The following P2RX1 variants were observed in gnomAD, a reference collection of about 807,000 sequenced individuals.
The protein encoded by P2RX1 is purinergic receptor P2X 1.
Under a neutral mutation model 50.3 loss-of-function variants are expected in P2RX1, and 42 were observed. The ratio of observed to expected loss-of-function variants is 0.83; its 90% confidence interval spans 0.65 to 1.08. The LOEUF is 1.08. Ranked by LOEUF, P2RX1 falls within the 50% of genes least tolerant of loss-of-function variation. The probability of loss-of-function intolerance (pLI) is 0.00; values close to 1 mark genes in which losing one functional copy is unlikely to be tolerated. For missense variants in P2RX1, 449 were observed against 529.0 expected (o/e 0.85, Z 1.48); for synonymous variants, 199 against 202.6 (o/e 0.98, Z 0.15).
intron 10 of P2RX1, 84 bp from the exon 11 acceptor site, chr17:3,898,194 G>A (rs1815562624): frequency 8.3e-7 from 1 of 1,208,428 alleles, no homozygotes; most frequent in Non-Finnish European, 1.2e-6. Context: ...AGTCCCTGGT[G>A]GTGAGGCCCT....
Position 3,904,329 on chromosome 17 carries a change from C to A in P2RX1, c.427+1G>T, listed in dbSNP as rs765204490. The A allele has an allele frequency of 3.1e-6, 5 of 1,613,568 alleles. No homozygotes were observed. The African/African-American group carries it at 4.0e-5, about 13-fold the overall frequency. ...GAGGGACAGGAGGAGGCTGACCTTA[C>A]CTTGGGCCTTCCTCTTGGCCTTCCC... On this transcript the variant is annotated splice_donor_variant, in intron 4 of 11. Transcript: ENST00000225538. LOFTEE classifies it high-confidence loss of function.
intron 1 of P2RX1, chr17:3,915,827 A>C (rs1216461173): frequency 3.2e-6 from 2 of 618,996 alleles, no homozygotes; most frequent in Non-Finnish European, 6.0e-6. Context: ...AGGAACCATA[A>C]CACTGAGCCG....
intron 8 of P2RX1, 112 bp from the exon 9 acceptor site, chr17:3,899,136 TC>T: frequency 1.3e-6 from 1 of 771,792 alleles, no homozygotes; most frequent in South Asian, 1.4e-5. Context: ...TACAGCCTCA[TC>T]CCCAACACCG....
At chr17:3,899,586 C>G (rs2056097756) in intron 8 of P2RX1, 48 bp downstream of exon 8, 19 of 1,607,788 alleles carry the variant, frequency 1.2e-5, no homozygotes, top group Non-Finnish European at 1.6e-5. Context: ...AGTAGAAAAG[C>G]CCGCAGGACC....
At position 3,904,386 on chromosome 17, in the gene P2RX1, C is replaced by T. The variant is rs754709481; in HGVS notation, c.371G>A (p.Gly124Asp). The T allele has an allele frequency of 8.1e-6, 13 of 1,613,782 alleles. No homozygotes were observed. Among genetic ancestry groups the T allele is most frequent in the African/African-American group, 4.0e-5 (3 of 74,918 alleles). The change falls in exon 4 of 12, where the codon GGC (glycine) becomes GAC (aspartate). Residue 124 changes from glycine to aspartate, a missense_variant. Coordinates refer to ENST00000225538, the MANE Select transcript of P2RX1 (RefSeq NM_002558.4). ...QGYCAEHPEGGICKEDSGCTP... is the reference protein window; with the variant it reads ...QGYCAEHPEGDICKEDSGCTP... ...ACAGCCACTGTCTTCCTTGCATATG[C>T]CCCCTTCTGGGTGCTGGGGGAGGCA...
chr17:3,915,655 G>A (rs907746778), intron 1 of P2RX1: 10 of 459,520 alleles, frequency 2.2e-5, no homozygotes, highest in African/African-American at 2.0e-4. Flanking sequence ...CAGGGAAGCT[G>A]GCAGCAGAGT....
intron 8 of P2RX1, 145 bp from the exon 9 acceptor site, chr17:3,899,169 C>G: frequency 1.8e-6 from 1 of 557,952 alleles, no homozygotes; most frequent in Non-Finnish European, 3.2e-6. Flanking sequence ...AGGCCTCATT[C>G]TGGGAAAGTT....
In P2RX1 at chr17:3,896,678, G is replaced by C. The variant is rs557985875; in HGVS notation, c.*1136C>G. On this transcript the variant is annotated 3_prime_UTR_variant, in exon 12 of 12. Transcript: ENST00000225538. ...AGAGCCAGGCAGGCCTTGGGAGCTGGGGCTGAGCCACAGGCAGGGAGCCCA... is the reference window on the plus strand; with the variant it reads ...AGAGCCAGGCAGGCCTTGGGAGCTGCGGCTGAGCCACAGGCAGGGAGCCCA... The C allele has an allele frequency of 2.0e-5, 3 of 152,394 alleles. No homozygotes were observed. The highest frequency in any genetic ancestry group is 6.5e-5 in the Admixed American group (1 of 15,300). The allele number at this position is 152,394 out of a possible 1,614,324, so 9.4% of individuals were successfully genotyped here. A position where few individuals can be genotyped will look rare whatever the true frequency, so the allele number is the denominator to read the frequency against.
At chr17:3,907,363 G>A (rs563144342) in intron 1 of P2RX1, among the ~76,000 whole-genome samples, 1 of 147,100 alleles carries the variant, frequency 6.8e-6, no homozygotes, top group African/African-American at 2.6e-5. Context: ...TACCTGCAGG[G>A]CAAATCTGTG....
At position 3,914,177 on chromosome 17, in the gene P2RX1, G is replaced by C. The variant is rs955341699; in HGVS notation, c.137+1912C>G. 6.6e-6 allele frequency among the ~76,000 whole-genome samples: 1 copy of C among 152,144 alleles called. No homozygotes were observed. Among genetic ancestry groups the C allele is most frequent in the Non-Finnish European group, 1.5e-5 (1 of 68,022 alleles). ...TCTCTCTGAGGAGGTTGCCTTTCCAGAATATCAAGGCTGACTTTGGAGCCA... is the reference window on the plus strand; with the variant it reads ...TCTCTCTGAGGAGGTTGCCTTTCCACAATATCAAGGCTGACTTTGGAGCCA... On this transcript the variant is annotated intron_variant, in intron 1 of 11. Coordinates refer to ENST00000225538, the MANE Select transcript of P2RX1 (RefSeq NM_002558.4). This position sits in a 1 kb window ranked among gnomAD's most constrained non-coding sequence, Gnocchi z 4.1.
chr17:3,898,713 C>T (rs1267732701), intron 9 of P2RX1, among the ~76,000 whole-genome samples, 164 bp from the exon 10 acceptor site: 3 of 152,204 alleles, frequency 2.0e-5, no homozygotes, highest in African/African-American at 7.2e-5. Context: ...TGGGTTTTGA[C>T]CTTGGCTCTG....
At chr17:3,902,020 C>T (rs1213601576) in intron 7 of P2RX1, among the ~76,000 whole-genome samples, 6 of 152,206 alleles carry the variant, frequency 3.9e-5, no homozygotes, top group South Asian at 4.1e-4. Flanking sequence ...GCTAGTTCTG[C>T]GCTCATAGGG....
At chr17:3,915,087 T>C (rs1055050541) in intron 1 of P2RX1, among the ~76,000 whole-genome samples, 6 of 151,578 alleles carry the variant, frequency 4.0e-5, no homozygotes, top group African/African-American at 9.7e-5. Flanking sequence ...ATGGGGAGGG[T>C]AGAGCTCTCA....
At chr17:3,908,286 C>T in intron 1 of P2RX1, among the ~76,000 whole-genome samples, 1 of 152,120 alleles carries the variant, frequency 6.6e-6, no homozygotes, top group Non-Finnish European at 1.5e-5. Flanking sequence ...ATGGGCTGGG[C>T]GCGGTGGCTC....
intron 1 of P2RX1, among the ~76,000 whole-genome samples, chr17:3,912,433 C>T (rs985608792): frequency 7.9e-5 from 12 of 152,150 alleles, no homozygotes; most frequent in Non-Finnish European, 1.0e-4. Context: ...CAAGTTCAAT[C>T]GATTCTCCTG....
chr17:3,905,083 G>A (rs1404718392), intron 2 of P2RX1, 137 bp downstream of exon 2: 2 of 1,270,292 alleles, frequency 1.6e-6, no homozygotes, highest in African/African-American at 2.9e-5. Flanking sequence ...GATATCACCA[G>A]GCTGCTTCTG....
At chr17:3,912,634 C>G (rs988621117) in intron 1 of P2RX1, among the ~76,000 whole-genome samples, 2 of 152,164 alleles carry the variant, frequency 1.3e-5, no homozygotes, top group African/African-American at 4.8e-5. Flanking sequence ...CCCGGCCCAC[C>G]CTTCCTTTTA....
chr17:3,913,642 C>T (rs1317340923), intron 1 of P2RX1, among the ~76,000 whole-genome samples: 1 of 152,198 alleles, frequency 6.6e-6, no homozygotes, highest in African/African-American at 2.4e-5. Context: ...CTCGGGACCT[C>T]CCACCCTTCG....
chr17:3,904,232 G>T, intron 4 of P2RX1, 98 bp downstream of exon 4: 1 of 1,244,402 alleles, frequency 8.0e-7, no homozygotes. Flanking sequence ...TCGGCGGGAG[G>T]GGTGTGGAGA....
Sources: allele counts gnomAD v4.1 joint callset (sites outside exome capture counted in the v4.1 genomes callset), GRCh38; gene constraint gnomAD v4.1.1; non-coding constraint Gnocchi (gnomAD v3.1); transcripts MANE v1.5; gene names NCBI Gene and HGNC (gene_info 2026-07-23, HGNC 2026-07-21).